The following NFATC3 variants were observed in gnomAD, a reference collection of about 807,000 sequenced individuals.
The protein encoded by NFATC3 is nuclear factor of activated T cells 3.
In NFATC3, 46 loss-of-function variants were observed where a neutral mutation model predicts 98.6. The ratio of observed to expected loss-of-function variants is 0.47; its 90% CI spans 0.37 to 0.60. The LOEUF (loss-of-function observed/expected upper bound fraction) is 0.60, where lower values mean the gene tolerates loss of function less well. Ranked by LOEUF, NFATC3 falls within the 20% of genes least tolerant of loss-of-function variation. The pLI, the probability that NFATC3 is intolerant of heterozygous loss-of-function variation, is 0.00. For missense variants in NFATC3, 1,256 were observed against 1,295.5 expected (o/e 0.97, Z 0.47); for synonymous variants, 512 against 472.2 (o/e 1.08, Z -1.09).
intron 9 of NFATC3, among the ~76,000 whole-genome samples, chr16:68,195,396 A>G (rs2040621944): frequency 6.6e-6 from 1 of 152,168 alleles, no homozygotes; most frequent in Non-Finnish European, 1.5e-5. Context: ...AGAGCAGTAC[A>G]CAATGGTGTG....
At chr16:68,186,308 T>C (rs1208420352) in intron 8 of NFATC3, among the ~76,000 whole-genome samples, 1 of 151,928 alleles carries the variant, frequency 6.6e-6, no homozygotes, top group Non-Finnish European at 1.5e-5. Flanking sequence ...CCCAGCACTT[T>C]GGGTGGATCA....
intron 1 of NFATC3, among the ~76,000 whole-genome samples, chr16:68,090,403 C>T (rs2034650461): frequency 6.7e-6 from 1 of 148,892 alleles, no homozygotes. Context: ...TCTCCACATG[C>T]TAAATTAAAA....
chr16:68,152,737 G>A (rs984321998), intron 3 of NFATC3, among the ~76,000 whole-genome samples: 4 of 152,052 alleles, frequency 2.6e-5, no homozygotes, highest in African/African-American at 4.8e-5. Context: ...TTTTTACATG[G>A]GTGGAGAAAA....
intron 4 of NFATC3, among the ~76,000 whole-genome samples, chr16:68,164,662 G>C (rs1005849885): frequency 6.6e-6 from 1 of 151,796 alleles, no homozygotes; most frequent in Admixed American, 6.6e-5. Context: ...GGCGGATCAC[G>C]AGATCAGGAG....
At chr16:68,176,061 C>G (rs1178472807) in intron 6 of NFATC3, among the ~76,000 whole-genome samples, 2 of 151,590 alleles carry the variant, frequency 1.3e-5, no homozygotes, top group African/African-American at 4.9e-5. Context: ...TCACTGCAAC[C>G]TCCACCTCCG....
chr16:68,113,695 A>G (rs372469890), intron 1 of NFATC3, among the ~76,000 whole-genome samples: 10 of 152,354 alleles, frequency 6.6e-5, no homozygotes, highest in African/African-American at 1.9e-4. Flanking sequence ...CAGCTGAACC[A>G]TGAGACCATG....
chr16:68,129,759 T>C (rs4567701), intron 3 of NFATC3, among the ~76,000 whole-genome samples: 32,500 of 149,894 alleles, frequency 0.22, 4,053 homozygotes, highest in African/African-American at 0.33. Flanking sequence ...CTAACTGCAG[T>C]CTCAAACTCC....
intron 9 of NFATC3, 165 bp from the exon 10 acceptor site, chr16:68,226,185 T>G: frequency 2.8e-6 from 2 of 716,636 alleles, no homozygotes; most frequent in Non-Finnish European, 4.2e-6. Flanking sequence ...TGGAGCGATG[T>G]TTCCATCTCT....
rs150243224 is a variant in NFATC3, at chr16:68,195,669, G to A, written c.3106+3894G>A. On this transcript the variant is annotated intron_variant, in intron 9 of 9. Transcript: ENST00000346183. ...TAAAAGTACAAAAAACTAGCCGGGCGTGGTGGTGGTCGCCTGTAGTCCCAG... is the reference window on the plus strand; with the variant it reads ...TAAAAGTACAAAAAACTAGCCGGGCATGGTGGTGGTCGCCTGTAGTCCCAG... 4.7e-5 allele frequency among the ~76,000 whole-genome samples: 7 copies of A among 149,290 alleles called. No homozygotes were observed. The East Asian group carries it at 1.2e-3, about 25-fold the overall frequency.
At chr16:68,118,489 C>A (rs566946035) in intron 1 of NFATC3, among the ~76,000 whole-genome samples, 1 of 152,144 alleles carries the variant, frequency 6.6e-6, no homozygotes, top group African/African-American at 2.4e-5. Context: ...ATGCTGCATT[C>A]TTTTGGTTAT....
At chr16:68,147,778 A>G (rs1016234891) in intron 3 of NFATC3, among the ~76,000 whole-genome samples, 11 of 151,040 alleles carry the variant, frequency 7.3e-5, no homozygotes, top group Non-Finnish European at 1.5e-4. Context: ...AAAAAAAGAC[A>G]TATAGTCCAC....
chr16:68,092,447 T>A (rs1181422547), intron 1 of NFATC3, among the ~76,000 whole-genome samples: 2 of 140,580 alleles, frequency 1.4e-5, no homozygotes, highest in Non-Finnish European at 3.1e-5. Context: ...AGTAAAACTC[T>A]CTCTCAAAAA....
chr16:68,171,614 C>G (rs557852903), intron 5 of NFATC3, among the ~76,000 whole-genome samples: 1 of 151,872 alleles, frequency 6.6e-6, no homozygotes, highest in African/African-American at 2.4e-5. Context: ...GCTGAGATTA[C>G]AGGCATGCAC....
chr16:68,163,104 C>G (rs576082838), intron 4 of NFATC3, among the ~76,000 whole-genome samples: 1 of 152,292 alleles, frequency 6.6e-6, no homozygotes, highest in East Asian at 1.9e-4. Flanking sequence ...TTTCTTAGTA[C>G]AGAACAAAAT....
intron 9 of NFATC3, among the ~76,000 whole-genome samples, chr16:68,210,035 C>T (rs1040677253): frequency 1.5e-4 from 22 of 151,212 alleles, no homozygotes; most frequent in Non-Finnish European, 3.1e-4. Context: ...CAGTGGCTCG[C>T]GCCTGTAATC....
chr16:68,191,502 C>T lies in NFATC3; in HGVS notation c.2833C>T (p.Pro945Ser), dbSNP rs1198273407. 6.2e-6 allele frequency: 10 copies of T among 1,614,164 alleles called. No individual in the cohort carries two copies. The highest frequency in any genetic ancestry group is 7.6e-6 in the Non-Finnish European group (9 of 1,180,036). The stretch of plus-strand genomic sequence containing the variant: ...TTCACCGCTTTCTGGGCCACCATCT[C>T]CTCAGCTTCAGCCTATGCCTTACCA... ...ASSPLSGPPS[P>S]QLQPMPYQSP... is the part of the protein sequence containing the mutation. The change falls in exon 9 of 10, where the codon CCT becomes TCT. Residue 945 changes from proline to serine, a missense_variant. Coordinates refer to ENST00000346183, the MANE Select transcript of NFATC3 (RefSeq NM_173165.3).
chr16:68,126,498 A>C lies in NFATC3; in HGVS notation c.1289A>C (p.Gln430Pro). 1.2e-6 allele frequency: 2 copies of C among 1,614,140 alleles called. No homozygotes were observed. Among genetic ancestry groups the C allele is most frequent in the Non-Finnish European group, 1.7e-6 (2 of 1,179,982 alleles). Residue 430 changes from glutamine (Q) to proline (P), a missense_variant, in exon 3 of 10, where the codon CAA (glutamine) becomes CCA (proline). Transcript: ENST00000346183. ...TGGCCTTTACCAGCTCATTTTGGAC[A>C]ATGTGAACTGAAAATAGAAGTGCAA... ...LDWPLPAHFG[Q>P]CELKIEVQPK...
chr16:68,200,616 C>G (rs577727785), intron 9 of NFATC3: 1 of 152,116 alleles, frequency 6.6e-6, no homozygotes, highest in Non-Finnish European at 1.5e-5. Context: ...TCACCAAGTT[C>G]TCTTTCAAGT....
Position 68,226,767 on chromosome 16 carries a change from G to A in NFATC3, c.*296G>A, listed in dbSNP as rs2042044629. On this transcript the variant is annotated 3_prime_UTR_variant, in exon 10 of 10. Transcript: ENST00000346183. ...CAGCAGGCTCTCTTGTTTCCGAGGTGCTGCTTTTGCAGGTGACCTGGTTAC... is the reference window on the plus strand; with the variant it reads ...CAGCAGGCTCTCTTGTTTCCGAGGTACTGCTTTTGCAGGTGACCTGGTTAC... 2 of 214,266 alleles carry A rather than the reference G, an allele frequency of 9.3e-6. No homozygotes were observed. The highest frequency in any genetic ancestry group is 4.6e-5 in the African/African-American group (2 of 43,660). The allele number at this position is 214,266 out of a possible 1,614,324, so 13.3% of individuals were successfully genotyped here.
Sources: gnomAD v4.1 joint callset for allele counts (sites outside exome capture counted in the v4.1 genomes callset) on GRCh38, gnomAD v4.1.1 for gene constraint, MANE v1.5 for transcripts, NCBI Gene and HGNC (gene_info 2026-07-23, HGNC 2026-07-21) for gene names.